The following DENND2A variants were observed in gnomAD, a reference collection of about 807,000 sequenced individuals.
DENND2A encodes the protein DENN domain containing 2A.
Under a neutral mutation model 105.3 loss-of-function variants are expected in DENND2A, and 53 were observed. The ratio of observed to expected loss-of-function variants is 0.50; its 90% CI spans 0.40 to 0.63. DENND2A has a LOEUF of 0.63. Among genes scored for constraint, DENND2A ranks in the 30% least tolerant of loss-of-function variants. The pLI, the probability that DENND2A is intolerant of heterozygous loss-of-function variation, is 0.00. For missense variants in DENND2A, 1,138 were observed against 1,279.6 expected, an observed-to-expected ratio of 0.89 and a Z score of 1.69; for synonymous variants, 522 against 508.4, an observed-to-expected ratio of 1.03 and a Z score of -0.36.
intron 16 of DENND2A, among the ~76,000 whole-genome samples, chr7:140,524,492 T>C (rs1795973991): frequency 6.6e-6 from 1 of 152,294 alleles, no homozygotes; most frequent in East Asian, 1.9e-4. Flanking sequence ...TTTTAGTGGG[T>C]TTTCCTTTCA....
At chr7:140,558,600 G>A (rs996679568) in intron 10 of DENND2A, among the ~76,000 whole-genome samples, 4 of 151,710 alleles carry the variant, frequency 2.6e-5, no homozygotes, top group Non-Finnish European at 5.9e-5. Flanking sequence ...GGAGGCTGAG[G>A]CAGGAGAACT....
rs140721541 is a variant in DENND2A at position 140,574,981 on chromosome 7, C to T, written c.1246-973G>A. Among the ~76,000 whole-genome samples the T allele has an allele frequency of 1.3e-3, 203 of 152,220 alleles. 4 individuals are homozygous for T. In the East Asian group the frequency reaches 0.038, roughly 28 times the overall value. On this transcript the variant is annotated intron_variant, in intron 5 of 19. Coordinates refer to ENST00000496613, the MANE Select transcript of DENND2A (RefSeq NM_015689.5). ...GTTGCAGTGAGCTGAGATCACGCCA[C>T]TGCACTCCAGCCTGGGTGATGGAGT...
chr7:140,633,835 C>T (rs1381252003), intron 1 of DENND2A, among the ~76,000 whole-genome samples: 1 of 151,910 alleles, frequency 6.6e-6, no homozygotes, highest in African/African-American at 2.4e-5. Context: ...GGTGTGATCT[C>T]GACTCACTGC....
At chr7:140,534,997 G>A (rs181789238) in intron 14 of DENND2A, among the ~76,000 whole-genome samples, 30 of 152,222 alleles carry the variant, frequency 2.0e-4, no homozygotes, top group African/African-American at 5.8e-4. Context: ...ACATCAGGAC[G>A]CACTTGTAAG....
intron 5 of DENND2A, among the ~76,000 whole-genome samples, chr7:140,584,421 G>T (rs892369742): frequency 2.0e-5 from 3 of 152,120 alleles, no homozygotes; most frequent in African/African-American, 7.2e-5. Flanking sequence ...GAGAGAGTGC[G>T]CATGTCCCAG....
chr7:140,522,128 C>T (rs746446543), intron 17 of DENND2A, 28 bp from the exon 18 acceptor site: 33 of 1,612,356 alleles, frequency 2.0e-5, no homozygotes, highest in South Asian at 1.6e-4. Context: ...AGGCCAGGAA[C>T]GGTGAGGGCA....
In DENND2A at chr7:140,631,016, G is replaced by T. The variant is rs1800716362; in HGVS notation, c.-248+9488C>A. On this transcript the variant is annotated intron_variant, in intron 1 of 19. Transcript: ENST00000496613. ...TGTGGGACACCCTATTTACCAACCA[G>T]AATAGAAGTATTTCAGTATTTTGAC... Among the ~76,000 whole-genome samples, 4 of 152,168 alleles carry T rather than the reference G, an allele frequency of 2.6e-5. No homozygotes were observed. The South Asian group carries it at 8.3e-4, about 31-fold the overall frequency.
intron 9 of DENND2A, among the ~76,000 whole-genome samples, chr7:140,565,928 A>G (rs1797817825): frequency 6.6e-6 from 1 of 152,236 alleles, no homozygotes; most frequent in Admixed American, 6.5e-5. Context: ...TACAGACGCC[A>G]TGGCAACATT....
chr7:140,633,930 C>G (rs1273573226), intron 1 of DENND2A, among the ~76,000 whole-genome samples: 1 of 152,122 alleles, frequency 6.6e-6, no homozygotes, highest in Non-Finnish European at 1.5e-5. Flanking sequence ...CAAATACTCT[C>G]CAACACTTGT....
rs749914300 is a variant in DENND2A, at chr7:140,602,045, C to G, written c.353G>C (p.Gly118Ala). The G allele has an allele frequency of 6.2e-7, 1 of 1,614,222 alleles. No individual in the cohort carries two copies. The highest frequency in any genetic ancestry group is 8.5e-7 in the Non-Finnish European group (1 of 1,180,038). ...TTGCCCCGGCTCTGGGTCCTGTCCC[C>G]CGACGTTCACTGCTCCTTTATTCCT... ...KERNKGAVNV[G>A]GQDPEPGQDL... is the part of the protein sequence containing the mutation. Residue 118 changes from glycine (G) to alanine (A), a missense_variant, in exon 3 of 20, where the codon GGG (glycine) becomes GCG (alanine). By Grantham distance (60) the Gly-to-Ala change is moderately conservative. This residue lies in a region of DENND2A where 511 missense variants were observed against 499.9 expected (regional missense o/e 1.02). Coordinates refer to ENST00000496613, the MANE Select transcript of DENND2A (RefSeq NM_015689.5).
Position 140,544,771 on chromosome 7 carries a change from C to G in DENND2A, c.2179-5G>C, listed in dbSNP as rs1463902645. 1.9e-6 allele frequency: 3 copies of G among 1,566,728 alleles called. No individual in the cohort carries two copies. In the African/African-American group the frequency reaches 4.1e-5, roughly 21 times the overall value. ...CGGGCGGCACAGTTCGATCACCTGCCAGGGAACAGGAGCAGCCATGAAGGA... is the reference window on the plus strand; with the variant it reads ...CGGGCGGCACAGTTCGATCACCTGCGAGGGAACAGGAGCAGCCATGAAGGA... On this transcript the variant is annotated splice_region_variant and splice_polypyrimidine_tract_variant and intron_variant, in intron 13 of 19. Transcript: ENST00000496613.
rs568571634 is a variant in DENND2A at position 140,544,974 on chromosome 7, A to G, written c.2179-208T>C. The stretch of plus-strand genomic sequence containing the variant: ...GCGGAGGAGGTAGCTTTGGTAGGGA[A>G]GCAAGCGTCTCACACTCAGCTATGA... On this transcript the variant is annotated intron_variant, in intron 13 of 19. Coordinates refer to ENST00000496613, the MANE Select transcript of DENND2A (RefSeq NM_015689.5). 1.4e-5 allele frequency: 9 copies of G among 624,070 alleles called. No individual in the cohort carries two copies. The South Asian group carries it at 5.6e-4, about 39-fold the overall frequency. The allele number at this position is 624,070 out of a possible 1,614,324, so 38.7% of individuals were successfully genotyped here. A position where few individuals can be genotyped will look rare whatever the true frequency, so the allele number is the denominator to read the frequency against.
In DENND2A at chr7:140,601,463, G is replaced by A. The variant is rs759258670; in HGVS notation, c.935C>T (p.Pro312Leu). ...CAGTCTTCTGTTCACAGAGGAAGGT[G>A]GGGGAGAGGAGGGCAGAGGCGGGGG... is the stretch of plus-strand genomic sequence containing the variant. The part of the protein sequence containing the change: ...LPPPPLPSSP[P>L]PSSVNRRLWT... Residue 312 changes from proline to leucine, a missense_variant, in exon 3 of 20, where the codon CCA becomes CTA. Pro to Leu is a moderately conservative substitution (Grantham distance 98). Coordinates refer to ENST00000496613, the MANE Select transcript of DENND2A (RefSeq NM_015689.5). The A allele has an allele frequency of 1.2e-6, 2 of 1,613,662 alleles. No individual in the cohort carries two copies. Among genetic ancestry groups the A allele is most frequent in the Admixed American group, 1.7e-5 (1 of 59,960 alleles).
intron 14 of DENND2A, among the ~76,000 whole-genome samples, chr7:140,533,564 T>C (rs1195821070): frequency 1.3e-5 from 2 of 152,176 alleles, no homozygotes; most frequent in Admixed American, 1.3e-4. Flanking sequence ...CGGTGCTAGA[T>C]GCAGAGGCTG....
intron 1 of DENND2A, among the ~76,000 whole-genome samples, chr7:140,626,626 C>A (rs1392218021): frequency 1.3e-5 from 2 of 152,218 alleles, no homozygotes; most frequent in African/African-American, 4.8e-5. Context: ...CCTCCTTTCT[C>A]CCTCTTGCCT....
intron 11 of DENND2A, among the ~76,000 whole-genome samples, chr7:140,557,772 T>C (rs1448092696): frequency 2.0e-5 from 3 of 150,360 alleles, no homozygotes; most frequent in African/African-American, 4.9e-5. Flanking sequence ...TCTCCTGACC[T>C]CGTGATCCGC....
rs189649119 is a variant in DENND2A, at chr7:140,553,535, G to A, written c.2037+2101C>T. Among the ~76,000 whole-genome samples the A allele has an allele frequency of 1.9e-3, 285 of 152,262 alleles. 4 individuals are homozygous for A. The South Asian group carries it at 0.023, about 12-fold the overall frequency. On this transcript the variant is annotated intron_variant, in intron 12 of 19. Transcript: ENST00000496613. ...TCAGCACAGACCCTTTATGGGTGTC[G>A]GGCTGGGGGACGGTCAGGTCTTTCC... is the stretch of plus-strand genomic sequence containing the variant.
chr7:140,577,820 G>A (rs979364583), intron 5 of DENND2A, among the ~76,000 whole-genome samples: 5 of 152,172 alleles, frequency 3.3e-5, no homozygotes, highest in African/African-American at 1.2e-4. Context: ...GTAAATGAAT[G>A]CACCTGGCTG....
At chr7:140,535,195 C>T (rs973479964) in intron 14 of DENND2A, among the ~76,000 whole-genome samples, 1 of 152,140 alleles carries the variant, frequency 6.6e-6, no homozygotes, top group African/African-American at 2.4e-5. Flanking sequence ...GAGGAACACC[C>T]CAGGAACTGG....
Sources: allele counts gnomAD v4.1 joint callset (sites outside exome capture counted in the v4.1 genomes callset), GRCh38; gene constraint gnomAD v4.1.1; regional missense constraint gnomAD v4.1.1; transcripts MANE v1.5; gene names NCBI Gene and HGNC (gene_info 2026-07-23, HGNC 2026-07-21).